Variants in PRXL2C observed in about 807,000 individuals in gnomAD.
The protein encoded by PRXL2C is peroxiredoxin-like 2C.
In PRXL2C, 38 loss-of-function variants were observed where a neutral mutation model predicts 24.9. That is an observed-to-expected ratio of 1.53 (90% CI 1.18 to 2.00). PRXL2C has a LOEUF of 2.00. Ranked by LOEUF, PRXL2C falls within the 30% of genes most tolerant of loss-of-function variation. The probability of loss-of-function intolerance (pLI) is 0.00; values close to 1 mark genes in which losing one functional copy is unlikely to be tolerated. For missense variants in PRXL2C, 294 were observed against 290.9 expected, an observed-to-expected ratio of 1.01 and a Z score of -0.08; for synonymous variants, 98 against 117.2, an observed-to-expected ratio of 0.84 and a Z score of 1.06.
intron 4 of PRXL2C, among the ~76,000 whole-genome samples, chr9:96,649,805 TATA>T (rs1240426634): frequency 6.6e-6 from 1 of 152,138 alleles, no homozygotes; most frequent in Non-Finnish European, 1.5e-5. Context: ...CAAACACTTG[TATA>T]ATTCCCCAGC....
At chr9:96,654,160 T>C (rs1376742706) in intron 2 of PRXL2C, among the ~76,000 whole-genome samples, 1 of 152,222 alleles carries the variant, frequency 6.6e-6, no homozygotes, top group Non-Finnish European at 1.5e-5. Context: ...TTAATCAATG[T>C]TATTTTTTCA....
intron 4 of PRXL2C, among the ~76,000 whole-genome samples, chr9:96,648,008 G>C (rs577301601): frequency 2.6e-5 from 4 of 152,182 alleles, no homozygotes; most frequent in Admixed American, 2.0e-4. Flanking sequence ...GGCTCCAATC[G>C]ATTCTCCCAC....
intron 5 of PRXL2C, 72 bp downstream of exon 5, chr9:96,645,821 A>G: frequency 6.1e-6 from 9 of 1,486,206 alleles, no homozygotes; most frequent in African/African-American, 1.4e-5. Flanking sequence ...AGGAAAAGAA[A>G]AGAAAATGGC....
intron 5 of PRXL2C, among the ~76,000 whole-genome samples, chr9:96,642,378 A>G (rs1159308174): frequency 6.6e-6 from 1 of 152,202 alleles, no homozygotes; most frequent in Non-Finnish European, 1.5e-5. Flanking sequence ...AGGCCTTAAA[A>G]GACAATCAGT....
intron 5 of PRXL2C, among the ~76,000 whole-genome samples, chr9:96,644,871 TA>T (rs1311642570): frequency 7.5e-6 from 1 of 134,014 alleles, no homozygotes; most frequent in Non-Finnish European, 1.6e-5. Flanking sequence ...TATAAATAAC[TA>T]CATGGATTCT....
At chr9:96,642,671 G>C (rs1479997605) in intron 5 of PRXL2C, among the ~76,000 whole-genome samples, 1 of 151,176 alleles carries the variant, frequency 6.6e-6, no homozygotes, top group East Asian at 2.0e-4. Flanking sequence ...TCAGCCTCCC[G>C]AGTAGCTGGG....
At chr9:96,651,605 T>G (rs750008182) in intron 3 of PRXL2C, 54 bp downstream of exon 3, 1 of 1,565,930 alleles carries the variant, frequency 6.4e-7, no homozygotes, top group Non-Finnish European at 8.7e-7. Flanking sequence ...TAATGTAATT[T>G]TTATGTCTGA....
intron 4 of PRXL2C, 41 bp from the exon 5 acceptor site, chr9:96,646,065 C>T: frequency 1.3e-6 from 2 of 1,540,026 alleles, no homozygotes; most frequent in Non-Finnish European, 1.8e-6. Context: ...ATTTTATATT[C>T]AATTTGATAT....
rs371878576 is a variant in PRXL2C at position 96,649,420 on chromosome 9, A to C, written c.421+1970T>G. ...TCTCTACTAAAAATACAAAATTAGC[A>C]GGGCATGGTGGTGCATGCCTGTAAT... is the stretch of plus-strand genomic sequence containing the variant. On this transcript the variant is annotated intron_variant, in intron 4 of 5. Coordinates refer to ENST00000375234, the MANE Select transcript of PRXL2C (RefSeq NM_153698.2). Among the ~76,000 whole-genome samples, 998 of 126,558 alleles carry C rather than the reference A, an allele frequency of 7.9e-3. 47 individuals are homozygous for C. Among genetic ancestry groups the C allele is most frequent in the African/African-American group, 0.05 (895 of 17,848 alleles). 83.0% of individuals were successfully genotyped at this position (126,558 alleles called of 152,430 possible).
chr9:96,641,664 GA>G lies in PRXL2C; in HGVS notation c.*94del. ...CCTAACTCCTCAAAGGCTGGGAAGGGACAGCAGGTTAGACACTGCACGAGGA... is the reference window on the plus strand; with the variant it reads ...CCTAACTCCTCAAAGGCTGGGAAGGGCAGCAGGTTAGACACTGCACGAGGA... On this transcript the variant is annotated 3_prime_UTR_variant, in exon 6 of 6. Transcript: ENST00000375234. The G allele has an allele frequency of 7.9e-7, 1 of 1,268,388 alleles. No homozygotes were observed. 78.6% of individuals were successfully genotyped at this position (1,268,388 alleles called of 1,614,324 possible).
At chr9:96,646,723 G>A (rs1376628406) in intron 4 of PRXL2C, among the ~76,000 whole-genome samples, 1 of 152,182 alleles carries the variant, frequency 6.6e-6, no homozygotes, top group Non-Finnish European at 1.5e-5. Context: ...AGCACAAGAT[G>A]GAGGGTGCCT....
At chr9:96,649,576 C>G (rs10978453) in intron 4 of PRXL2C, among the ~76,000 whole-genome samples, 2 of 119,240 alleles carry the variant, frequency 1.7e-5, no homozygotes, top group Admixed American at 1.5e-4. Flanking sequence ...AAACAAAAAA[C>G]AAAAAACAAA....
chr9:96,644,978 C>G (rs1588100544), intron 5 of PRXL2C, among the ~76,000 whole-genome samples: 1 of 135,178 alleles, frequency 7.4e-6, no homozygotes, highest in Admixed American at 8.6e-5. Flanking sequence ...GCGATCTCGG[C>G]GCACTGCAAG....
Position 96,651,446 on chromosome 9 carries a change from T to C in PRXL2C, c.365A>G (p.Glu122Gly), listed in dbSNP as rs190418572. ...GYSHEIYVDP[E>G]REIYKRLGMK... ...TCCCAATCTTTTATAAATTTCTCTC[T>C]CAGGATCGACATAGATTTCATGAGA... The change falls in exon 4 of 6, where the codon GAG (glutamate) becomes GGG (glycine). Residue 122 changes from glutamate (E) to glycine (G), a missense_variant. By Grantham distance (98) the Glu-to-Gly change is moderately conservative. Coordinates refer to ENST00000375234, the MANE Select transcript of PRXL2C (RefSeq NM_153698.2). 195 of 1,613,556 alleles carry C rather than the reference T, an allele frequency of 1.2e-4. No individual in the cohort carries two copies. The Middle Eastern group carries it at 1.8e-3, about 15-fold the overall frequency.
At position 96,651,702 on chromosome 9, in the gene PRXL2C, A is replaced by G. The variant is rs374719525; in HGVS notation, c.272T>C (p.Val91Ala). 1 of 1,608,950 alleles carries G rather than the reference A, an allele frequency of 6.2e-7. No homozygotes were observed. The highest frequency in any genetic ancestry group is 1.7e-5 in the Admixed American group (1 of 59,486). ...IPRSFLQEAN[V>A]TLIVIGQSSY... ...TGACTGTCCAATCACTATAAGGGTG[A>G]CATTTGCTTCCTTAGGAGAAAAAAA... The change falls in exon 3 of 6, where the codon GTC becomes GCC. Residue 91 changes from valine (V) to alanine (A), a missense_variant. Val to Ala is a moderately conservative substitution (Grantham distance 64, BLOSUM62 0). Transcript: ENST00000375234.
rs964900758 is a variant in PRXL2C at position 96,645,944 on chromosome 9, CAA to C, written c.500_501del (p.Phe167Ter). 2.5e-6 allele frequency: 4 copies of C among 1,613,616 alleles called. No homozygotes were observed. Among genetic ancestry groups the C allele is most frequent in the South Asian group, 1.1e-5 (1 of 91,022 alleles). On this transcript the variant is annotated frameshift_variant, in exon 5 of 6. Transcript: ENST00000375234. LOFTEE classifies it high-confidence loss of function. ...TGCTGAGCTGGGTCTCCTTGAAAAT[CAA>C]AGAGAGGGCCAGTCACTGCCCGCCA... Reference protein sequence around the residue: ...SLWRAVTGPLFDFQGDPAQQG... With the variant: ...SLWRAVTGPLXDFQGDPAQQG...
intron 4 of PRXL2C, among the ~76,000 whole-genome samples, chr9:96,648,601 T>A (rs1848226821): frequency 6.6e-6 from 1 of 152,190 alleles, no homozygotes; most frequent in East Asian, 1.9e-4. Context: ...TGTTTGGCAA[T>A]GCAGTCCTTC....
intron 1 of PRXL2C, 131 bp downstream of exon 1, chr9:96,654,959 T>G (rs1182690949): frequency 1.6e-6 from 2 of 1,253,242 alleles, no homozygotes. Flanking sequence ...CCGCCCTAGT[T>G]GGGAAGCGGC....
intron 2 of PRXL2C, among the ~76,000 whole-genome samples, chr9:96,653,053 C>CT (rs1333512693): frequency 6.6e-6 from 1 of 152,014 alleles, no homozygotes; most frequent in Non-Finnish European, 1.5e-5. Flanking sequence ...CGGTGAAACC[C>CT]GTCTCTACTA....
Sources: gnomAD v4.1 joint callset for allele counts (sites outside exome capture counted in the v4.1 genomes callset) on GRCh38, gnomAD v4.1.1 for gene constraint, MANE v1.5 for transcripts, NCBI Gene and HGNC (gene_info 2026-07-23, HGNC 2026-07-21) for gene names.